HYDIN: variants seen among roughly 807,000 people sequenced by gnomAD.
The protein encoded by HYDIN is axonemal central pair apparatus protein HYDIN.
A neutral mutation model predicts 403.9 loss-of-function variants in HYDIN; 132 were observed. The ratio of observed to expected loss-of-function variants is 0.33; its 90% CI spans 0.28 to 0.38. HYDIN has a LOEUF of 0.38. HYDIN is among the 10% of genes least tolerant of loss of function. The pLI, the probability that HYDIN is intolerant of heterozygous loss-of-function variation, is 1.00. For missense variants in HYDIN, 2,827 were observed against 5,009.5 expected, an observed-to-expected ratio of 0.56 and a Z score of 13.15; for synonymous variants, 1,202 against 1,891.7, an observed-to-expected ratio of 0.64 and a Z score of 9.46.
chr16:70,992,685 A>G (rs1406500030), intron 23 of HYDIN, among the ~76,000 whole-genome samples: 1 of 151,238 alleles, frequency 6.6e-6, no homozygotes, highest in African/African-American at 2.4e-5. Flanking sequence ...CTGGAAGTGC[A>G]GGCTCGGGTT....
chr16:71,187,556 A>G (rs2087219053), intron 1 of HYDIN, among the ~76,000 whole-genome samples: 1 of 152,290 alleles, frequency 6.6e-6, no homozygotes, highest in East Asian at 1.9e-4. Context: ...TTCTATTTTT[A>G]TTGATAGCAG....
chr16:71,218,242 C>G (rs1440495754), intron 1 of HYDIN, among the ~76,000 whole-genome samples: 2 of 152,102 alleles, frequency 1.3e-5, no homozygotes, highest in African/African-American at 4.8e-5. Context: ...CTATTAATCC[C>G]AATGTGGTAA....
At chr16:71,173,258 A>G (rs921153988) in intron 5 of HYDIN, among the ~76,000 whole-genome samples, 9 of 152,352 alleles carry the variant, frequency 5.9e-5, no homozygotes, top group African/African-American at 2.2e-4. Context: ...TAACTTTCAA[A>G]CATTTAGAAG....
chr16:71,017,075 C>T (rs1567998122), intron 23 of HYDIN, among the ~76,000 whole-genome samples: 1 of 151,974 alleles, frequency 6.6e-6, no homozygotes, highest in Non-Finnish European at 1.5e-5. Flanking sequence ...TACGGTGGCC[C>T]ACACCTGTAA....
chr16:70,916,478 C>T (rs552151156), intron 47 of HYDIN, among the ~76,000 whole-genome samples: 29 of 152,270 alleles, frequency 1.9e-4, no homozygotes, highest in African/African-American at 6.5e-4. Flanking sequence ...GCAGTTTGGG[C>T]ACTCACAGTA....
At chr16:70,944,927 A>G (rs1461869613) in intron 41 of HYDIN, among the ~76,000 whole-genome samples, 3 of 152,070 alleles carry the variant, frequency 2.0e-5, no homozygotes, top group Non-Finnish European at 4.4e-5. Flanking sequence ...TAATTTTTGT[A>G]TTTTTAGTAG....
At chr16:71,227,028 C>CCCCT (rs1186830091) in intron 1 of HYDIN, among the ~76,000 whole-genome samples, 3 of 152,086 alleles carry the variant, frequency 2.0e-5, no homozygotes, top group South Asian at 4.1e-4. Flanking sequence ...CTAGATCAAA[C>CCCCT]CCCTGGCATT....
chr16:71,110,485 AATATATATATTTC>A (rs911237690), intron 10 of HYDIN, among the ~76,000 whole-genome samples: 1 of 143,022 alleles, frequency 7.0e-6, no homozygotes, highest in African/African-American at 2.6e-5. Context: ...AAATATATAT[AATATATATATTTC>A]ATATATATAT....
intron 1 of HYDIN, among the ~76,000 whole-genome samples, chr16:71,215,708 A>G (rs2088842745): frequency 6.6e-6 from 1 of 152,216 alleles, no homozygotes; most frequent in Middle Eastern, 3.4e-3. Flanking sequence ...TCAAAATGGG[A>G]AAAGGTACTT....
At chr16:70,921,521 G>A (rs2076995052) in intron 45 of HYDIN, among the ~76,000 whole-genome samples, 1 of 152,146 alleles carries the variant, frequency 6.6e-6, no homozygotes, top group South Asian at 2.1e-4. Context: ...CAGGATCAAG[G>A]GGAAAAGACT....
At chr16:70,966,896 G>A (rs909970166) in intron 36 of HYDIN, among the ~76,000 whole-genome samples, 27 of 150,194 alleles carry the variant, frequency 1.8e-4, no homozygotes, top group African/African-American at 6.6e-4. Context: ...ACTCCATGAT[G>A]GAAATTAAGT....
At chr16:70,830,529 A>G (rs1254012200) in intron 80 of HYDIN, among the ~76,000 whole-genome samples, 2 of 144,062 alleles carry the variant, frequency 1.4e-5, no homozygotes, top group Non-Finnish European at 3.0e-5. Flanking sequence ...ATGCTCTAAC[A>G]GAACTGCTCT....
chr16:71,043,043 A>G (rs2081336421), intron 18 of HYDIN, among the ~76,000 whole-genome samples: 1 of 151,496 alleles, frequency 6.6e-6, no homozygotes, highest in Admixed American at 6.6e-5. Context: ...AATGTATTTT[A>G]TCCCCAGATT....
intron 1 of HYDIN, among the ~76,000 whole-genome samples, chr16:71,188,520 C>T (rs2087266006): frequency 6.6e-6 from 1 of 152,036 alleles, no homozygotes; most frequent in Admixed American, 6.6e-5. Flanking sequence ...ATTAACAACA[C>T]AAAGAAGAAT....
At chr16:71,151,265 A>G (rs1353704007) in intron 7 of HYDIN, among the ~76,000 whole-genome samples, 1 of 151,994 alleles carries the variant, frequency 6.6e-6, no homozygotes, top group African/African-American at 2.4e-5. Context: ...AAACAGATAG[A>G]CCACATCACT....
chr16:70,966,697 T>C (rs2078586225), intron 36 of HYDIN, among the ~76,000 whole-genome samples: 1 of 150,992 alleles, frequency 6.6e-6, no homozygotes, highest in South Asian at 2.1e-4. Flanking sequence ...GCCAAGAAAA[T>C]TGTATCTGAT....
chr16:70,974,352 A>G, intron 32 of HYDIN, 52 bp from the exon 33 acceptor site: 1 of 1,488,322 alleles, frequency 6.7e-7, no homozygotes, highest in Non-Finnish European at 9.0e-7. Flanking sequence ...ACAGCAAACA[A>G]GAGCTGCTCT....
At chr16:71,195,081 T>C (rs527449150) in intron 1 of HYDIN, among the ~76,000 whole-genome samples, 8 of 152,258 alleles carry the variant, frequency 5.3e-5, no homozygotes, top group East Asian at 1.9e-4. Flanking sequence ...TTTACATGAA[T>C]GTAAATACCA....
chr16:71,158,687 T>G (rs558277078), intron 6 of HYDIN, among the ~76,000 whole-genome samples: 107 of 150,098 alleles, frequency 7.1e-4, no homozygotes, highest in African/African-American at 2.5e-3. Flanking sequence ...TGGTTTTTTT[T>G]TTTTTTTTTT....
Sources: gnomAD v4.1 joint callset for allele counts (sites outside exome capture counted in the v4.1 genomes callset) on GRCh38, gnomAD v4.1.1 for gene constraint, MANE v1.5 for transcripts, NCBI Gene and HGNC (gene_info 2026-07-23, HGNC 2026-07-21) for gene names.